PCDHGA1: variants seen among roughly 807,000 people sequenced by gnomAD.
The protein encoded by PCDHGA1 is protocadherin gamma-A1.
PCDHGA1 carries 32 observed loss-of-function variants against 58.0 expected under a neutral mutation model. That is an observed-to-expected ratio of 0.55 (90% confidence interval 0.42 to 0.74). The LOEUF (loss-of-function observed/expected upper bound fraction) is 0.74, where lower values mean the gene tolerates loss of function less well. Among genes scored for constraint, PCDHGA1 ranks in the 30% least tolerant of loss-of-function variants. The pLI is 0.00. For synonymous variants in PCDHGA1, 498 were observed against 501.1 expected (o/e 0.99, Z 0.08); for missense variants, 1,205 against 1,182.3 (o/e 1.02, Z -0.28).
In PCDHGA1 at chr5:141,486,680, T is replaced by A; in HGVS notation, c.2422-8127T>A. The A allele has an allele frequency of 6.2e-7, 1 of 1,614,102 alleles. No homozygotes were observed. Among genetic ancestry groups the A allele is most frequent in the Non-Finnish European group, 8.5e-7 (1 of 1,180,018 alleles). ...CCTGGAGCCCAGGAATCGAGATGTA[T>A]CAGCTTCCTCTTTCATCTCTCTGAA... is the stretch of plus-strand genomic sequence containing the variant. On this transcript the variant is annotated intron_variant, in intron 1 of 3. Coordinates refer to ENST00000517417, the MANE Select transcript of PCDHGA1 (RefSeq NM_018912.3). This position sits in a 1 kb window ranked among gnomAD's most constrained non-coding sequence, Gnocchi z 5.0.
At chr5:141,411,556 C>A (rs2095498108) in intron 1 of PCDHGA1, 1 of 152,200 alleles carries the variant, frequency 6.6e-6, no homozygotes, top group Non-Finnish European at 1.5e-5. Context: ...TGCACTCCAG[C>A]CTGGGCGACA....
intron 1 of PCDHGA1, chr5:141,378,008 G>C (rs1168840541): frequency 6.6e-6 from 1 of 152,090 alleles, no homozygotes; most frequent in Non-Finnish European, 1.5e-5. Context: ...GCTCAAATAA[G>C]CTCTACTTAT....
At chr5:141,399,624 T>C (rs1006867896) in intron 1 of PCDHGA1, 9 of 1,613,898 alleles carry the variant, frequency 5.6e-6, no homozygotes, top group African/African-American at 4.0e-5. Flanking sequence ...CACTGGCCTC[T>C]TACGTGTCCA....
At chr5:141,475,322 G>A (rs1352768659) in intron 1 of PCDHGA1, among the ~76,000 whole-genome samples, 1 of 152,204 alleles carries the variant, frequency 6.6e-6, no homozygotes, top group African/African-American at 2.4e-5. Flanking sequence ...CTTAAGAAAT[G>A]AGAGCTAACA....
At chr5:141,339,236 A>C in intron 1 of PCDHGA1, 3 of 1,614,268 alleles carry the variant, frequency 1.9e-6, no homozygotes, top group Non-Finnish European at 2.5e-6. Context: ...CACTGCGAAC[A>C]GGATAGACCG....
chr5:141,429,741 C>T (rs2097240604), intron 1 of PCDHGA1, among the ~76,000 whole-genome samples: 1 of 152,106 alleles, frequency 6.6e-6, no homozygotes, highest in Admixed American at 6.5e-5. Flanking sequence ...CCAGTTATTT[C>T]TTAGGGAGAA....
At chr5:141,435,054 C>A (rs891988253) in intron 1 of PCDHGA1, among the ~76,000 whole-genome samples, 7 of 151,964 alleles carry the variant, frequency 4.6e-5, no homozygotes, top group Admixed American at 1.3e-4. Context: ...ATTGACCATG[C>A]AGCAGTTTTG....
intron 2 of PCDHGA1, among the ~76,000 whole-genome samples, chr5:141,502,866 C>CTTTTTTT (rs549047197): frequency 0.02 from 2,590 of 127,990 alleles, 216 homozygotes; most frequent in African/African-American, 0.075. Flanking sequence ...GACTCTCTGT[C>CTTTTTTT]TTTTTTTTTT....
intron 1 of PCDHGA1, chr5:141,403,774 C>T (rs1350465491): frequency 1.9e-6 from 3 of 1,613,668 alleles, no homozygotes; most frequent in Non-Finnish European, 1.7e-6. Flanking sequence ...AGGGAATCAA[C>T]GGAAAAGTGG....
intron 1 of PCDHGA1, among the ~76,000 whole-genome samples, chr5:141,406,087 T>TA (rs113984376): frequency 6.7e-6 from 1 of 148,544 alleles, no homozygotes; most frequent in African/African-American, 2.5e-5. Flanking sequence ...TTTTTTTTTT[T>TA]AAGAGATGGG....
Position 141,487,506 on chromosome 5 carries a change from C to T in PCDHGA1, c.2422-7301C>T. 1 of 1,614,220 alleles carries T rather than the reference C, an allele frequency of 6.2e-7. No homozygotes were observed. The highest frequency in any genetic ancestry group is 8.5e-7 in the Non-Finnish European group (1 of 1,180,046). On this transcript the variant is annotated intron_variant, in intron 1 of 3. Coordinates refer to ENST00000517417, the MANE Select transcript of PCDHGA1 (RefSeq NM_018912.3). The surrounding 1 kb of genome is among the most constrained non-coding windows in gnomAD (Gnocchi z 5.0). ...CATGGCTGTACACCCTTGGCTTCTG[C>T]ACCCACTCGGAGTGATAGCTTCATG...
rs537985555 is a variant in PCDHGA1 at position 141,449,278 on chromosome 5, C to A, written c.2422-45529C>A. On this transcript the variant is annotated intron_variant, in intron 1 of 3. Coordinates refer to ENST00000517417, the MANE Select transcript of PCDHGA1 (RefSeq NM_018912.3). ...TGTACAAAGAACTGTATCTCCTTCA[C>A]CCGGATGCACCGGGTGAATTATATG... Among the ~76,000 whole-genome samples the A allele has an allele frequency of 4.6e-5, 7 of 152,166 alleles. No homozygotes were observed. In the South Asian group the frequency reaches 1.5e-3, roughly 32 times the overall value.
At position 141,406,382 on chromosome 5, in the gene PCDHGA1, G is replaced by A. The variant is rs189693155; in HGVS notation, c.2421+73277G>A. Reference sequence around the variant, plus strand: ...TTTGTAAGGGTAAACTGATAAAAAGGTAAATGTATTCTTCTTAGAGAAACA... The same window carrying A: ...TTTGTAAGGGTAAACTGATAAAAAGATAAATGTATTCTTCTTAGAGAAACA... On this transcript the variant is annotated intron_variant, in intron 1 of 3. Transcript: ENST00000517417. Among the ~76,000 whole-genome samples, 63 of 152,232 alleles carry A rather than the reference G, an allele frequency of 4.1e-4. 1 individual carries two copies. Among genetic ancestry groups the A allele is most frequent in the African/African-American group, 1.4e-3 (60 of 41,554 alleles).
intron 1 of PCDHGA1, among the ~76,000 whole-genome samples, chr5:141,368,336 T>C (rs1395637644): frequency 6.6e-6 from 1 of 152,126 alleles, no homozygotes; most frequent in Non-Finnish European, 1.5e-5. Flanking sequence ...TCTATATCTA[T>C]ATACATATAC....
At chr5:141,399,684 G>T in intron 1 of PCDHGA1, 1 of 1,613,538 alleles carries the variant, frequency 6.2e-7, no homozygotes, top group Non-Finnish European at 8.5e-7. Context: ...TTGACTACGA[G>T]CAGCTGCGCA....
chr5:141,415,001 C>G (rs1326591845), intron 1 of PCDHGA1: 2 of 1,613,712 alleles, frequency 1.2e-6, no homozygotes, highest in Non-Finnish European at 1.7e-6. Context: ...GCCTGGCTGT[C>G]CTACCGTCTG....
intron 1 of PCDHGA1, chr5:141,362,469 A>G (rs1762523966): frequency 6.2e-7 from 1 of 1,613,958 alleles, no homozygotes; most frequent in Admixed American, 1.7e-5. Context: ...TTCCCGCGCA[A>G]GATCTCGTCT....
At chr5:141,413,677 G>C (rs539552615) in intron 1 of PCDHGA1, 1 of 1,613,794 alleles carries the variant, frequency 6.2e-7, no homozygotes, top group South Asian at 1.1e-5. Context: ...GGATGTGGGC[G>C]TGAACTCCCT....
chr5:141,343,772 C>G (rs1422185246), intron 1 of PCDHGA1: 1 of 400,352 alleles, frequency 2.5e-6, no homozygotes, highest in East Asian at 4.1e-5. Context: ...AACGGTTAGG[C>G]CTCTTAGTGT....
Sources: allele counts gnomAD v4.1 joint callset (sites outside exome capture counted in the v4.1 genomes callset), GRCh38; gene constraint gnomAD v4.1.1; non-coding constraint Gnocchi (gnomAD v3.1); transcripts MANE v1.5; gene names NCBI Gene and HGNC (gene_info 2026-07-23, HGNC 2026-07-21).